The following ADCY9 variants were observed in gnomAD, a reference collection of about 807,000 sequenced individuals.
The protein encoded by ADCY9 is adenylate cyclase 9, also known as adenylate cyclase type 9.
ADCY9 carries 50 observed loss-of-function variants against 101.5 expected under a neutral mutation model. The observed-to-expected ratio is 0.49, with a 90% CI of 0.39 to 0.62. The LOEUF (loss-of-function observed/expected upper bound fraction) is 0.62, where lower values mean the gene tolerates loss of function less well. ADCY9 is among the 20% of genes least tolerant of loss of function. ADCY9 has a pLI of 0.00. For synonymous variants in ADCY9, 905 were observed against 769.3 expected (o/e 1.18, Z -2.92); for missense variants, 1,662 against 1,800.4 (o/e 0.92, Z 1.39).
At position 4,021,780 on chromosome 16, in the gene ADCY9, T is replaced by G. The variant is rs182604163; in HGVS notation, c.1694-14222A>C. Among the ~76,000 whole-genome samples the G allele has an allele frequency of 7.6e-4, 115 of 152,308 alleles. No homozygotes were observed. The East Asian group carries it at 0.018, about 23-fold the overall frequency. On this transcript the variant is annotated intron_variant, in intron 2 of 10. Coordinates refer to ENST00000294016, the MANE Select transcript of ADCY9 (RefSeq NM_001116.4). The stretch of plus-strand genomic sequence containing the variant: ...GCTTCACACGAGGACAATTCCAGGC[T>G]GAAGTGGCAGGTCCCAGCACCAGAC...
rs745590145 is a variant in ADCY9 at position 4,114,635 on chromosome 16, G to A, written c.808C>T (p.Pro270Ser). Residue 270 changes from proline (P) to serine (S), a missense_variant, in exon 2 of 11, where the codon CCC becomes TCC. By Grantham distance (74) the Pro-to-Ser change is moderately conservative (BLOSUM62 -1). Around this residue, in one of 5 missense-constraint regions of ADCY9, gnomAD observed 422 missense variants for 392.0 expected, o/e 1.08. Coordinates refer to ENST00000294016, the MANE Select transcript of ADCY9 (RefSeq NM_001116.4). This position sits in a 1 kb window ranked among gnomAD's most constrained non-coding sequence, Gnocchi z 4.3. Reference protein sequence around the residue: ...GYHFRDEACFPSPGAGALHWE... With the variant: ...GYHFRDEACFSSPGAGALHWE... ...TGCAGGGCCCCGGCTCCGGGCGAGG[G>A]GAAGCAGGCTTCATCCCGGAAATGG... 6 of 1,613,420 alleles carry A rather than the reference G, an allele frequency of 3.7e-6. No homozygotes were observed. The Admixed American group carries it at 6.7e-5, about 18-fold the overall frequency.
At position 4,114,761 on chromosome 16, in the gene ADCY9, T is replaced by C. The variant is rs892137966; in HGVS notation, c.682A>G (p.Ile228Val). ...GTATAGAGCAAAAAGAGCACTTCGA[T>C]GCACATGGAGAAGCTCCCCACTTGA... Reference protein sequence around the residue: ...LSQVGSFSMCIEVLFLLYTVM... With the variant: ...LSQVGSFSMCVEVLFLLYTVM... The change falls in exon 2 of 11, where the codon ATC becomes GTC. Residue 228 changes from isoleucine (I) to valine (V), a missense_variant. By Grantham distance (29) the Ile-to-Val change is conservative (BLOSUM62 3). This residue lies in a region of ADCY9 where 422 missense variants were observed against 392.0 expected (regional missense o/e 1.08). Transcript: ENST00000294016. This position sits in a 1 kb window ranked among gnomAD's most constrained non-coding sequence, Gnocchi z 4.3. 1 of 1,613,094 alleles carries C rather than the reference T, an allele frequency of 6.2e-7. No homozygotes were observed. Among genetic ancestry groups the C allele is most frequent in the African/African-American group, 1.3e-5 (1 of 74,934 alleles).
At chr16:3,985,766 A>C (rs1597145733) in intron 6 of ADCY9, among the ~76,000 whole-genome samples, 2 of 149,786 alleles carry the variant, frequency 1.3e-5, no homozygotes. Context: ...TCCTCCCTCC[A>C]CCTCCCTTGC....
chr16:4,109,266 G>A (rs2057098801), intron 2 of ADCY9, among the ~76,000 whole-genome samples: 1 of 152,118 alleles, frequency 6.6e-6, no homozygotes, highest in South Asian at 2.1e-4. Flanking sequence ...GTCTCACTCT[G>A]TCGCCCAGGC....
chr16:4,101,730 T>G (rs2057044657), intron 2 of ADCY9, among the ~76,000 whole-genome samples: 1 of 152,148 alleles, frequency 6.6e-6, no homozygotes, highest in Non-Finnish European at 1.5e-5. Flanking sequence ...GAGTTTACAG[T>G]AGGATACAGT....
Position 4,062,974 on chromosome 16 carries a change from G to C in ADCY9, c.1693+50776C>G, listed in dbSNP as rs150051259. ...AAATCAGCAAGGATATACAGACTTT[G>C]AACAGCATTGTCAACCAACCTGACG... On this transcript the variant is annotated intron_variant, in intron 2 of 10. Transcript: ENST00000294016. 2.2e-3 allele frequency among the ~76,000 whole-genome samples: 342 copies of C among 152,274 alleles called. 2 individuals are homozygous for C. The highest frequency in any genetic ancestry group is 0.015 in the South Asian group (74 of 4,830).
chr16:3,999,264 T>G (rs1255314768), intron 3 of ADCY9, among the ~76,000 whole-genome samples: 1 of 152,128 alleles, frequency 6.6e-6, no homozygotes, highest in African/African-American at 2.4e-5. Context: ...ATAATGACAG[T>G]AGCTACTATG....
At chr16:4,106,496 T>C (rs1357369212) in intron 2 of ADCY9, among the ~76,000 whole-genome samples, 2 of 152,214 alleles carry the variant, frequency 1.3e-5, no homozygotes, top group South Asian at 4.1e-4. Context: ...CCAGGGATGC[T>C]AGTTCCTGTT....
intron 2 of ADCY9, among the ~76,000 whole-genome samples, chr16:4,027,797 A>G (rs1480186214): frequency 6.6e-6 from 1 of 151,978 alleles, no homozygotes; most frequent in Non-Finnish European, 1.5e-5. Flanking sequence ...GAATCGCTTG[A>G]ACCCAGGAGG....
intron 2 of ADCY9, among the ~76,000 whole-genome samples, chr16:4,080,633 T>C (rs2056895786): frequency 6.6e-6 from 1 of 152,004 alleles, no homozygotes. Context: ...TTATATAAAA[T>C]TAGTTTGACA....
intron 2 of ADCY9, among the ~76,000 whole-genome samples, chr16:4,022,072 C>A (rs896643205): frequency 2.4e-4 from 37 of 152,234 alleles, no homozygotes; most frequent in African/African-American, 8.0e-4. Context: ...TTCCCTCAGC[C>A]ACCTTTGTGC....
chr16:4,015,396 C>T (rs576145809), intron 2 of ADCY9, among the ~76,000 whole-genome samples: 117 of 152,192 alleles, frequency 7.7e-4, no homozygotes, highest in African/African-American at 2.5e-3. Flanking sequence ...TTTACTAGCA[C>T]GAGCCTTCAC....
chr16:4,085,836 G>C (rs915591678), intron 2 of ADCY9, among the ~76,000 whole-genome samples: 2 of 152,028 alleles, frequency 1.3e-5, no homozygotes, highest in Non-Finnish European at 2.9e-5. Flanking sequence ...GCAGGCTCGA[G>C]AGTGAGCTAC....
At chr16:4,026,202 A>C (rs911925695) in intron 2 of ADCY9, among the ~76,000 whole-genome samples, 1 of 152,168 alleles carries the variant, frequency 6.6e-6, no homozygotes, top group Admixed American at 6.5e-5. Flanking sequence ...AGGCAGGTGG[A>C]TCACCTGAGG....
intron 2 of ADCY9, among the ~76,000 whole-genome samples, chr16:4,056,673 C>T (rs1287337865): frequency 3.9e-5 from 6 of 152,154 alleles, no homozygotes; most frequent in Non-Finnish European, 8.8e-5. Context: ...GTGCGTGATC[C>T]GAAGGGGCAG....
chr16:4,101,640 G>T (rs1261529163), intron 2 of ADCY9, among the ~76,000 whole-genome samples: 2 of 152,074 alleles, frequency 1.3e-5, no homozygotes, highest in Non-Finnish European at 2.9e-5. Flanking sequence ...AGAGGGCAGG[G>T]GCCACCCCTC....
intron 5 of ADCY9, among the ~76,000 whole-genome samples, chr16:3,957,333 G>C (rs1192055138): frequency 6.6e-6 from 1 of 152,230 alleles, no homozygotes; most frequent in Non-Finnish European, 1.5e-5. Context: ...TGGCAGAAAA[G>C]CATAGCATAA....
At chr16:3,998,943 C>A (rs1244880236) in intron 3 of ADCY9, among the ~76,000 whole-genome samples, 1 of 151,736 alleles carries the variant, frequency 6.6e-6, no homozygotes, top group African/African-American at 2.4e-5. Context: ...TGACCTCCTA[C>A]CCCCCAACCC....
rs192673534 is a variant in ADCY9 at position 3,991,022 on chromosome 16, A to C, written c.2207+1124T>G. On this transcript the variant is annotated intron_variant, in intron 5 of 10. Transcript: ENST00000294016. ...ACCTTGTTGGCCAGGCTGGTCTTGA[A>C]CCCCTGACTTCAGGTGATCTACCTG... 3.5e-3 allele frequency among the ~76,000 whole-genome samples: 526 copies of C among 151,608 alleles called. 2 individuals are homozygous for C. The highest frequency in any genetic ancestry group is 5.7e-3 in the Non-Finnish European group (389 of 67,874).
Sources: gnomAD v4.1 joint callset for allele counts (sites outside exome capture counted in the v4.1 genomes callset) on GRCh38, gnomAD v4.1.1 for gene constraint, gnomAD v4.1.1 regional missense constraint, Gnocchi (gnomAD v3.1) non-coding constraint, MANE v1.5 for transcripts, NCBI Gene and HGNC (gene_info 2026-07-23, HGNC 2026-07-21) for gene names.